Variants in RNF144A observed in about 807,000 individuals in gnomAD.
RNF144A encodes the protein ring finger protein 144A.
Under a neutral mutation model 38.7 loss-of-function variants are expected in RNF144A, and 11 were observed. That is an observed-to-expected ratio of 0.28 (90% CI 0.18 to 0.47). The LOEUF (loss-of-function observed/expected upper bound fraction) is 0.47. Among genes scored for constraint, RNF144A ranks in the 20% least tolerant of loss-of-function variants. The pLI, the probability that RNF144A is intolerant of heterozygous loss-of-function variation, is 0.99. For synonymous variants in RNF144A, 149 were observed against 143.9 expected (o/e 1.04, Z -0.25); for missense variants, 316 against 377.2 (o/e 0.84, Z 1.34).
rs754413124 is a variant in RNF144A at position 7,030,078 on chromosome 2, T to G, written c.658-48T>G. 2.3e-6 allele frequency: 3 copies of G among 1,313,516 alleles called. No homozygotes were observed. In the South Asian group the frequency reaches 3.5e-5, roughly 16 times the overall value. The allele number at this position is 1,313,516 out of a possible 1,614,324, so 81.4% of individuals were successfully genotyped here. A position where few individuals can be genotyped will look rare whatever the true frequency, so the allele number is the denominator to read the frequency against. ...TCAATGGCTGTGATACTCACCGAAC[T>G]GAGCAGGAACCACTCGTTCATGCCG... On this transcript the variant is annotated intron_variant, in intron 7 of 8. Coordinates refer to ENST00000320892, the MANE Select transcript of RNF144A (RefSeq NM_014746.6).
At chr2:7,046,800 T>C (rs1275361076), downstream of RNF144A, among the ~76,000 whole-genome samples, 1 of 152,208 alleles carries the variant, frequency 6.6e-6, no homozygotes. Flanking sequence ...TATTGGAAAA[T>C]CTGAATTTGC....
At chr2:6,939,921 C>T (rs1665859952) in intron 1 of RNF144A, among the ~76,000 whole-genome samples, 1 of 152,104 alleles carries the variant, frequency 6.6e-6, no homozygotes, top group South Asian at 2.1e-4. Flanking sequence ...ATATGTCTGT[C>T]CTTATGTCAC....
chr2:6,988,645 C>T (rs1042571542), intron 2 of RNF144A, among the ~76,000 whole-genome samples: 6 of 152,132 alleles, frequency 3.9e-5, no homozygotes, highest in Non-Finnish European at 8.8e-5. Flanking sequence ...ACCCCGATGC[C>T]GTCGGGGTCA....
intron 6 of RNF144A, among the ~76,000 whole-genome samples, chr2:7,061,054 G>T (rs1157716799): frequency 6.6e-6 from 1 of 152,122 alleles, no homozygotes; most frequent in African/African-American, 2.4e-5. Flanking sequence ...ACATTTTGAT[G>T]CCCTGGGCTC....
chr2:6,991,402 C>T (rs754342716), intron 2 of RNF144A, among the ~76,000 whole-genome samples: 1 of 152,168 alleles, frequency 6.6e-6, no homozygotes, highest in Non-Finnish European at 1.5e-5. Flanking sequence ...GTAGCTTTTC[C>T]CAGCCACTGC....
At chr2:6,989,959 C>T (rs928257460) in intron 2 of RNF144A, among the ~76,000 whole-genome samples, 25 of 152,146 alleles carry the variant, frequency 1.6e-4, no homozygotes, top group Non-Finnish European at 2.9e-4. Flanking sequence ...TTTCCATACA[C>T]CCATCCACAC....
intron 2 of RNF144A, among the ~76,000 whole-genome samples, chr2:6,959,970 A>G (rs1667238191): frequency 6.6e-6 from 1 of 152,214 alleles, no homozygotes; most frequent in Admixed American, 6.5e-5. Flanking sequence ...CCCTGCCCTC[A>G]TATGGAGATC....
chr2:6,998,681 A>G (rs765464509), intron 3 of RNF144A, among the ~76,000 whole-genome samples: 1 of 152,194 alleles, frequency 6.6e-6, no homozygotes, highest in Non-Finnish European at 1.5e-5. Context: ...TGCTTTTGAC[A>G]TTGTTCTGAG....
At chr2:7,075,689 G>T in the RNF144A span, among the ~76,000 whole-genome samples, 1 of 152,176 alleles carries the variant, frequency 6.6e-6, no homozygotes, top group Non-Finnish European at 1.5e-5. Context: ...AGAACTGTGA[G>T]TAAAATTACC....
chr2:7,017,478 G>A lies in RNF144A; in HGVS notation c.301+2706G>A, dbSNP rs187921368. Among the ~76,000 whole-genome samples, 451 of 152,288 alleles carry A rather than the reference G, an allele frequency of 3.0e-3. 11 individuals are homozygous for A. Among genetic ancestry groups the A allele is most frequent in the Admixed American group, 0.027 (407 of 15,298 alleles). The stretch of plus-strand genomic sequence containing the variant: ...CCCTGCACCAGGCACCAGCCCGCCG[G>A]GCAGGGTAGTAAGTGCAGGGATGAG... On this transcript the variant is annotated intron_variant, in intron 5 of 8. Coordinates refer to ENST00000320892, the MANE Select transcript of RNF144A (RefSeq NM_014746.6).
chr2:6,946,705 C>G (rs951317795), intron 2 of RNF144A, among the ~76,000 whole-genome samples: 30 of 152,116 alleles, frequency 2.0e-4, no homozygotes, highest in African/African-American at 7.2e-4. Context: ...GTAATTGAAG[C>G]ATTTTTAATA....
At chr2:6,970,734 C>T (rs11695834) in intron 2 of RNF144A, among the ~76,000 whole-genome samples, 47,083 of 152,012 alleles carry the variant, frequency 0.31, 8,175 homozygotes, top group Non-Finnish European at 0.4. Flanking sequence ...TCCCAGTGTC[C>T]ACACCCTCGG....
downstream of RNF144A, among the ~76,000 whole-genome samples, chr2:7,044,708 T>C (rs777558660): frequency 6.6e-6 from 1 of 152,234 alleles, no homozygotes; most frequent in Non-Finnish European, 1.5e-5. Flanking sequence ...ACCTTGATTT[T>C]CATTCACCTC....
At chr2:6,990,227 G>A (rs1669242250) in intron 2 of RNF144A, among the ~76,000 whole-genome samples, 1 of 152,064 alleles carries the variant, frequency 6.6e-6, no homozygotes, top group Non-Finnish European at 1.5e-5. Flanking sequence ...GGCTTACAGA[G>A]GCTGCCTTCT....
chr2:6,940,468 A>G (rs1665892866), intron 1 of RNF144A, among the ~76,000 whole-genome samples: 1 of 152,048 alleles, frequency 6.6e-6, no homozygotes, highest in Non-Finnish European at 1.5e-5. Context: ...TTTGTTTTCC[A>G]TGGATCGTAA....
chr2:7,025,944 A>G (rs1338405526), intron 7 of RNF144A, among the ~76,000 whole-genome samples: 1 of 152,194 alleles, frequency 6.6e-6, no homozygotes, highest in East Asian at 1.9e-4. Flanking sequence ...TCATCTGTCC[A>G]GAGACTGTTC....
chr2:6,973,018 G>A (rs933883180), intron 2 of RNF144A, among the ~76,000 whole-genome samples: 1 of 152,184 alleles, frequency 6.6e-6, no homozygotes, highest in African/African-American at 2.4e-5. Flanking sequence ...TTGTGACGTT[G>A]GACAAGTTGG....
chr2:7,006,650 G>T (rs1465992370), intron 3 of RNF144A, among the ~76,000 whole-genome samples: 1 of 152,072 alleles, frequency 6.6e-6, no homozygotes, highest in Non-Finnish European at 1.5e-5. Context: ...GGACCTCTGG[G>T]ACCAGGCTGG....
intron 6 of RNF144A, among the ~76,000 whole-genome samples, chr2:7,056,737 A>G (rs888652103): frequency 1.3e-5 from 2 of 152,096 alleles, no homozygotes; most frequent in African/African-American, 4.8e-5. Flanking sequence ...CCCACACTTG[A>G]TTCAAATTCC....
Sources: allele counts gnomAD v4.1 joint callset (sites outside exome capture counted in the v4.1 genomes callset), GRCh38; gene constraint gnomAD v4.1.1; transcripts MANE v1.5; gene names NCBI Gene and HGNC (gene_info 2026-07-23, HGNC 2026-07-21).